The following SLC38A9 variants were observed in gnomAD, a reference collection of about 807,000 sequenced individuals.
SLC38A9 encodes the protein neutral amino acid transporter 9.
SLC38A9 carries 48 observed loss-of-function variants against 62.3 expected under a neutral mutation model. The observed-to-expected ratio is 0.77, with a 90% CI of 0.61 to 0.98. The LOEUF is 0.98. Ranked by LOEUF, SLC38A9 falls within the 50% of genes least tolerant of loss-of-function variation. SLC38A9 has a pLI of 0.00. For missense variants in SLC38A9, 541 were observed against 679.8 expected (o/e 0.80, Z 2.27); for synonymous variants, 204 against 227.7 (o/e 0.90, Z 0.94).
At chr5:55,701,704 C>G in intron 2 of SLC38A9, among the ~76,000 whole-genome samples, 1 of 152,110 alleles carries the variant, frequency 6.6e-6, no homozygotes, top group Non-Finnish European at 1.5e-5. Context: ...GGGTAGAGGT[C>G]GGGGATGCTG....
In SLC38A9 at chr5:55,669,766, T is replaced by A. The variant is rs1488636361; in HGVS notation, c.360A>T (p.Leu120Phe). The A allele has an allele frequency of 3.1e-6, 5 of 1,613,480 alleles. No homozygotes were observed. The highest frequency in any genetic ancestry group is 4.2e-6 in the Non-Finnish European group (5 of 1,179,844). Reference sequence around the variant, plus strand: ...AAAGCAGTTTCACTCACATGGTTACTAAACTGGTGTTTTTACCGTATCCTT... The same window carrying A: ...AAAGCAGTTTCACTCACATGGTTACAAAACTGGTGTTTTTACCGTATCCTT... ...YTEGYGKNTS[L>F]VTIFMIWNTM... Residue 120 changes from leucine (L) to phenylalanine (F), a missense_variant, in exon 5 of 16, where the codon TTA (leucine) becomes TTT (phenylalanine). Leu to Phe is a conservative substitution (Grantham distance 22). Coordinates refer to ENST00000396865, the MANE Select transcript of SLC38A9 (RefSeq NM_173514.4).
chr5:55,638,414 A>G (rs1744824090), intron 12 of SLC38A9, among the ~76,000 whole-genome samples: 1 of 152,228 alleles, frequency 6.6e-6, no homozygotes, highest in African/African-American at 2.4e-5. Flanking sequence ...CACAAGCGAC[A>G]ATATAAGCTG....
intron 3 of SLC38A9, chr5:55,691,300 G>A: frequency 1.5e-5 from 23 of 1,511,828 alleles, no homozygotes; most frequent in Non-Finnish European, 1.8e-5. Flanking sequence ...GCCCTGGAGG[G>A]AATAGGACAG....
chr5:55,690,390 A>G (rs16884456), intron 3 of SLC38A9, among the ~76,000 whole-genome samples: 91,089 of 151,918 alleles, frequency 0.6, 27,900 homozygotes, highest in South Asian at 0.7. Flanking sequence ...GAAAAGTAAC[A>G]GTGGAAAGTT....
intron 12 of SLC38A9, among the ~76,000 whole-genome samples, chr5:55,643,556 G>C (rs1313123195): frequency 2.6e-5 from 4 of 152,170 alleles, no homozygotes; most frequent in Admixed American, 2.6e-4. Context: ...GGTTGACAGT[G>C]TTTTTCATGC....
rs117821772 is a variant in SLC38A9 at position 55,699,298 on chromosome 5, G to A, written c.-34-1306C>T. ...CACCCAAAACTACTGACCACATCAT[G>A]TGTGTGTATGAGCTTTTTTGTTACC... On this transcript the variant is annotated intron_variant, in intron 2 of 15. Coordinates refer to ENST00000396865, the MANE Select transcript of SLC38A9 (RefSeq NM_173514.4). Among the ~76,000 whole-genome samples, 284 of 152,296 alleles carry A rather than the reference G, an allele frequency of 1.9e-3. 4 individuals are homozygous for A. The East Asian group carries it at 0.048, about 26-fold the overall frequency.
chr5:55,682,656 T>C (rs1753193759), intron 3 of SLC38A9, among the ~76,000 whole-genome samples: 1 of 152,054 alleles, frequency 6.6e-6, no homozygotes, highest in African/African-American at 2.4e-5. Flanking sequence ...GCACTTGTAC[T>C]CTCAGCCTCC....
chr5:55,636,868 C>G (rs1203626922), intron 12 of SLC38A9, among the ~76,000 whole-genome samples: 2 of 152,142 alleles, frequency 1.3e-5, no homozygotes, highest in Non-Finnish European at 2.9e-5. Flanking sequence ...CAAAATGCGT[C>G]TAATTGCTTA....
At chr5:55,661,370 A>G (rs909257195) in intron 8 of SLC38A9, among the ~76,000 whole-genome samples, 2 of 140,090 alleles carry the variant, frequency 1.4e-5, no homozygotes, top group Admixed American at 7.9e-5. Context: ...GCGTGAACCC[A>G]GCAGGCGGAG....
chr5:55,643,146 T>G (rs1413196834), intron 12 of SLC38A9, among the ~76,000 whole-genome samples: 1 of 152,234 alleles, frequency 6.6e-6, no homozygotes, highest in Middle Eastern at 3.2e-3. Flanking sequence ...TTTGCTTTAC[T>G]TTTTCTATCG....
chr5:55,638,693 A>T (rs1055611472), intron 12 of SLC38A9, among the ~76,000 whole-genome samples: 1 of 152,244 alleles, frequency 6.6e-6, no homozygotes, highest in Non-Finnish European at 1.5e-5. Context: ...CTGACCACAC[A>T]GACTGACCCC....
chr5:55,640,797 G>A (rs1745335782), intron 12 of SLC38A9, among the ~76,000 whole-genome samples: 1 of 152,120 alleles, frequency 6.6e-6, no homozygotes, highest in Non-Finnish European at 1.5e-5. Flanking sequence ...TACTCTTACT[G>A]TCAGTTATAA....
intron 3 of SLC38A9, chr5:55,692,570 C>T: frequency 3.1e-6 from 3 of 959,028 alleles, no homozygotes; most frequent in Middle Eastern, 5.4e-4. Context: ...CTATATTTGC[C>T]TTTCTTAAAA....
chr5:55,649,826 GA>G (rs911466561), intron 10 of SLC38A9, among the ~76,000 whole-genome samples: 48 of 146,750 alleles, frequency 3.3e-4, no homozygotes, highest in Non-Finnish European at 2.6e-4. Context: ...CATCTCAAAG[GA>G]AAAAAAAAAG....
At chr5:55,690,385 G>T (rs964151464) in intron 3 of SLC38A9, among the ~76,000 whole-genome samples, 36 of 152,238 alleles carry the variant, frequency 2.4e-4, no homozygotes, top group African/African-American at 8.4e-4. Flanking sequence ...TTGAGGAAAA[G>T]TAACAGTGGA....
Position 55,664,762 on chromosome 5 carries a change from T to C in SLC38A9, c.628A>G (p.Ile210Val). 2 of 1,595,242 alleles carry C rather than the reference T, an allele frequency of 1.3e-6. No homozygotes were observed. The highest frequency in any genetic ancestry group is 1.7e-6 in the Non-Finnish European group (2 of 1,173,306). The change falls in exon 8 of 16, where the codon ATT (isoleucine) becomes GTT (valine). Residue 210 changes from isoleucine (I) to valine (V), a missense_variant. Ile to Val is a conservative substitution (Grantham distance 29). Transcript: ENST00000396865. ...ACCCAATAAACTATCATTGCTCCAA[T>C]GAGAGACACCAAGGAGAAAAGGAGA... ...SSLLFSLVSL[I>V]GAMIVYWVLM... is the part of the protein sequence containing the mutation.
At chr5:55,651,973 C>A (rs7730488) in intron 10 of SLC38A9, among the ~76,000 whole-genome samples, 44,033 of 146,980 alleles carry the variant, frequency 0.3, 7,696 homozygotes, top group African/African-American at 0.49. Context: ...AAAAAAAAAA[C>A]ACACACACAC....
intron 3 of SLC38A9, chr5:55,696,769 G>T (rs1270327368): frequency 6.6e-6 from 1 of 151,486 alleles, no homozygotes; most frequent in Non-Finnish European, 1.4e-5. Flanking sequence ...CCCAGACGGG[G>T]TGGCTGCCGG....
At chr5:55,675,521 CAG>C (rs1306164429) in intron 3 of SLC38A9, among the ~76,000 whole-genome samples, 2 of 152,118 alleles carry the variant, frequency 1.3e-5, no homozygotes, top group Non-Finnish European at 2.9e-5. Flanking sequence ...CAATACTATA[CAG>C]AGAACAATAT....
Sources: allele counts gnomAD v4.1 joint callset (sites outside exome capture counted in the v4.1 genomes callset), GRCh38; gene constraint gnomAD v4.1.1; transcripts MANE v1.5; gene names NCBI Gene and HGNC (gene_info 2026-07-23, HGNC 2026-07-21).